Variants in NTSR1 observed in about 807,000 individuals in gnomAD.
The protein encoded by NTSR1 is neurotensin receptor type 1.
Under a neutral mutation model 31.2 loss-of-function variants are expected in NTSR1, and 29 were observed. The observed-to-expected ratio is 0.93, with a 90% CI of 0.69 to 1.27. NTSR1 has a LOEUF of 1.27. Among genes scored for constraint, NTSR1 ranks in the 50% most tolerant of loss-of-function variants. NTSR1 has a pLI of 0.00. For synonymous variants in NTSR1, 282 were observed against 269.9 expected (o/e 1.04, Z -0.44); for missense variants, 697 against 595.4 (o/e 1.17, Z -1.78).
rs746758018 is a variant in NTSR1, at chr20:62,715,641, G to A, written c.714+5720G>A. ...TTGTGACCCGGGGTCAGCTCTCCCG[G>A]GCTGTCCTGCACTTGGACTGACAGC... On this transcript the variant is annotated intron_variant, in intron 1 of 3. Coordinates refer to ENST00000370501, the MANE Select transcript of NTSR1 (RefSeq NM_002531.3). This position sits in a 1 kb window ranked among gnomAD's most constrained non-coding sequence, Gnocchi z 4.7. Among the ~76,000 whole-genome samples the A allele has an allele frequency of 5.9e-5, 9 of 152,188 alleles. No homozygotes were observed. The highest frequency in any genetic ancestry group is 1.9e-4 in the East Asian group (1 of 5,196).
Position 62,714,226 on chromosome 20 carries a change from CCA to C in NTSR1, c.714+4308_714+4309del, listed in dbSNP as rs567097788. On this transcript the variant is annotated intron_variant, in intron 1 of 3. Coordinates refer to ENST00000370501, the MANE Select transcript of NTSR1 (RefSeq NM_002531.3). The surrounding 1 kb of genome is among the most constrained non-coding windows in gnomAD (Gnocchi z 4.1). Reference sequence around the variant, plus strand: ...GCAGCTCTGGCTCTGGCCGTAGCGGCCACAGTGTCCTCACCTGCAGCGCAGGG... The same window carrying C: ...GCAGCTCTGGCTCTGGCCGTAGCGGCCAGTGTCCTCACCTGCAGCGCAGGG... 1.2e-4 allele frequency among the ~76,000 whole-genome samples: 18 copies of C among 152,378 alleles called. No homozygotes were observed. In the South Asian group the frequency reaches 3.1e-3, roughly 26 times the overall value.
In NTSR1 at chr20:62,709,168, C is replaced by A; in HGVS notation, c.-40C>A. The A allele has an allele frequency of 7.3e-7, 1 of 1,368,678 alleles. No homozygotes were observed. Among genetic ancestry groups the A allele is most frequent in the South Asian group, 1.7e-5 (1 of 60,208 alleles). The allele number at this position is 1,368,678 out of a possible 1,614,324, so 84.8% of individuals were successfully genotyped here. ...CCCACTCCTGCCCGGACTTCCAGCC[C>A]CGGAGGCGCCGGACAGAGCCGCGGA... On this transcript the variant is annotated 5_prime_UTR_variant, in exon 1 of 4. Coordinates refer to ENST00000370501, the MANE Select transcript of NTSR1 (RefSeq NM_002531.3).
intron 1 of NTSR1, among the ~76,000 whole-genome samples, chr20:62,727,200 C>A (rs1022541290): frequency 6.6e-6 from 1 of 152,182 alleles, no homozygotes; most frequent in Admixed American, 6.5e-5. Flanking sequence ...CTCCGCACTG[C>A]CCCCACCCTG....
intron 1 of NTSR1, among the ~76,000 whole-genome samples, chr20:62,746,188 C>A (rs1012398449): frequency 6.6e-6 from 1 of 152,204 alleles, no homozygotes; most frequent in Non-Finnish European, 1.5e-5. Context: ...TGGCCGTCTG[C>A]TTCCTGTTCA....
chr20:62,727,479 G>A (rs1330580838), intron 1 of NTSR1, among the ~76,000 whole-genome samples: 3 of 152,332 alleles, frequency 2.0e-5, no homozygotes, highest in South Asian at 4.1e-4. Context: ...GACTGCCGGC[G>A]GGTCTGGAGC....
intron 1 of NTSR1, among the ~76,000 whole-genome samples, chr20:62,713,352 C>A (rs534197353): frequency 6.6e-6 from 1 of 152,200 alleles, no homozygotes; most frequent in Non-Finnish European, 1.5e-5. Context: ...GTGCAGGAGG[C>A]GCTGGTGTCC....
chr20:62,719,488 T>TCCACCCTCCCTCA, intron 1 of NTSR1, among the ~76,000 whole-genome samples: 1 of 151,856 alleles, frequency 6.6e-6, no homozygotes, highest in Admixed American at 6.6e-5. Context: ...ACCCTCCCTC[T>TCCACCCTCCCTCA]CGGTACATCG....
intron 1 of NTSR1, among the ~76,000 whole-genome samples, chr20:62,713,337 A>G (rs567152712): frequency 6.6e-6 from 1 of 152,310 alleles, no homozygotes; most frequent in Non-Finnish European, 1.5e-5. Context: ...CAGGGGCCTC[A>G]ATTTGTGCAG....
In NTSR1 at chr20:62,738,795, C is replaced by A. The variant is rs146091461; in HGVS notation, c.715-15890C>A. Among the ~76,000 whole-genome samples the A allele has an allele frequency of 2.9e-3, 449 of 152,308 alleles. 1 individual carries two copies. The highest frequency in any genetic ancestry group is 4.9e-3 in the Non-Finnish European group (336 of 68,032). ...TTGCTGCTCTTGGCAGCAGAGATGG[C>A]GGAGGGTCTAGGTCTCAGGCCAGAG... On this transcript the variant is annotated intron_variant, in intron 1 of 3. Transcript: ENST00000370501.
chr20:62,710,209 C>T (rs1204960567), intron 1 of NTSR1, among the ~76,000 whole-genome samples: 1 of 152,214 alleles, frequency 6.6e-6, no homozygotes, highest in Non-Finnish European at 1.5e-5. Context: ...GAAACATGTG[C>T]GCTGGCACCT....
In NTSR1 at chr20:62,743,829, G is replaced by T. The variant is rs1989247391; in HGVS notation, c.715-10856G>T. ...GCGAGGTGAGAACGCCCTGCCTGAG[G>T]TCGAGGGGCTGAGGCCGGCTGTCTG... On this transcript the variant is annotated intron_variant, in intron 1 of 3. Coordinates refer to ENST00000370501, the MANE Select transcript of NTSR1 (RefSeq NM_002531.3). This position sits in a 1 kb window ranked among gnomAD's most constrained non-coding sequence, Gnocchi z 7.5. Among the ~76,000 whole-genome samples, 1 of 152,196 alleles carries T rather than the reference G, an allele frequency of 6.6e-6. No homozygotes were observed. The highest frequency in any genetic ancestry group is 2.4e-5 in the African/African-American group (1 of 41,438).
rs779385447 is a variant in NTSR1, at chr20:62,709,860, A to G, written c.653A>G (p.His218Arg). The G allele has an allele frequency of 4.4e-6, 7 of 1,607,750 alleles. No homozygotes were observed. The African/African-American group carries it at 8.0e-5, about 18-fold the overall frequency. ...GEQNRSADGQHAGGLVCTPTI... is the reference protein window; with the variant it reads ...GEQNRSADGQRAGGLVCTPTI... The stretch of plus-strand genomic sequence containing the variant: ...CAGAACCGCAGCGCCGACGGCCAGC[A>G]CGCCGGCGGCCTGGTGTGCACCCCC... Residue 218 changes from histidine to arginine, a missense_variant, in exon 1 of 4, where the codon CAC (histidine) becomes CGC (arginine). Coordinates refer to ENST00000370501, the MANE Select transcript of NTSR1 (RefSeq NM_002531.3).
Position 62,728,639 on chromosome 20 carries a change from A to C in NTSR1, c.714+18718A>C, listed in dbSNP as rs116293216. Among the ~76,000 whole-genome samples the C allele has an allele frequency of 2.6e-3, 396 of 152,288 alleles. 1 individual carries two copies. The highest frequency in any genetic ancestry group is 8.9e-3 in the African/African-American group (370 of 41,556). The stretch of plus-strand genomic sequence containing the variant: ...TGTCTGCGGAAGACGCTGTGTGCAC[A>C]GCTGGGCTTTCTTTGTGTGTGCCAG... On this transcript the variant is annotated intron_variant, in intron 1 of 3. Transcript: ENST00000370501.
chr20:62,730,849 T>C (rs1988990362), intron 1 of NTSR1, among the ~76,000 whole-genome samples: 1 of 152,262 alleles, frequency 6.6e-6, no homozygotes, highest in Non-Finnish European at 1.5e-5. Flanking sequence ...TGGAGCATTT[T>C]TCTTGTGCTT....
intron 1 of NTSR1, among the ~76,000 whole-genome samples, chr20:62,726,200 C>G (rs1265434615): frequency 6.6e-6 from 1 of 152,116 alleles, no homozygotes; most frequent in Non-Finnish European, 1.5e-5. Context: ...ATTCTCTCCC[C>G]AAAATTGTCA....
At position 62,709,247 on chromosome 20, in the gene NTSR1, C is replaced by A. The variant is rs952362238; in HGVS notation, c.40C>A (p.Pro14Thr). 15 of 1,511,716 alleles carry A rather than the reference C, an allele frequency of 9.9e-6. No homozygotes were observed. The highest frequency in any genetic ancestry group is 1.3e-5 in the Non-Finnish European group (15 of 1,137,442). 93.6% of individuals were successfully genotyped at this position (1,511,716 alleles called of 1,614,324 possible). A position where few individuals can be genotyped will look rare whatever the true frequency, so the allele number is the denominator to read the frequency against. ...NSSAPGTPGTPAADPFQRAQA... is the reference protein window; with the variant it reads ...NSSAPGTPGTTAADPFQRAQA... ...CTCCGCGCCGGGAACCCCGGGCACG[C>A]CGGCCGCCGACCCCTTCCAGCGGGC... Residue 14 changes from proline (P) to threonine (T), a missense_variant, in exon 1 of 4, where the codon CCG becomes ACG. Transcript: ENST00000370501.
At chr20:62,713,332 G>C (rs1988653632) in intron 1 of NTSR1, among the ~76,000 whole-genome samples, 1 of 152,212 alleles carries the variant, frequency 6.6e-6, no homozygotes, top group African/African-American at 2.4e-5. Context: ...GCAGACAGGG[G>C]CCTCAATTTG....
intron 3 of NTSR1, among the ~76,000 whole-genome samples, chr20:62,759,238 G>A (rs1600739625): frequency 6.6e-6 from 1 of 152,206 alleles, no homozygotes; most frequent in Non-Finnish European, 1.5e-5. Context: ...TGAAACTCAG[G>A]GCTGACTGGT....
At chr20:62,746,370 G>A (rs1046564109) in intron 1 of NTSR1, among the ~76,000 whole-genome samples, 1 of 152,198 alleles carries the variant, frequency 6.6e-6, no homozygotes. Flanking sequence ...CGCCAGCATC[G>A]CTGTGTCTGT....
Sources: gnomAD v4.1 joint callset for allele counts (sites outside exome capture counted in the v4.1 genomes callset) on GRCh38, gnomAD v4.1.1 for gene constraint, Gnocchi (gnomAD v3.1) non-coding constraint, MANE v1.5 for transcripts, NCBI Gene and HGNC (gene_info 2026-07-23, HGNC 2026-07-21) for gene names.